The following SLC9A6 variants were observed in gnomAD, a reference collection of about 807,000 sequenced individuals.
The protein encoded by SLC9A6 is solute carrier family 9 member A6, also known as sodium/hydrogen exchanger 6.
In SLC9A6, 6 loss-of-function variants were observed where a neutral mutation model predicts 45.3. That is an observed-to-expected ratio of 0.13 (90% CI 0.07 to 0.26). The LOEUF is 0.26. Ranked by LOEUF, SLC9A6 falls within the 10% of genes least tolerant of loss-of-function variation. The pLI, the probability that SLC9A6 is intolerant of heterozygous loss-of-function variation, is 1.00. For missense variants in SLC9A6, 278 were observed against 503.7 expected (o/e 0.55, Z 4.29); for synonymous variants, 191 against 187.7 (o/e 1.02, Z -0.14).
At chrX:135,985,974 G>C in intron 2 of SLC9A6, 147 bp downstream of exon 2, 3 of 671,513 alleles carry the variant, frequency 4.5e-6, no homozygotes, top group Non-Finnish European at 6.9e-6. Flanking sequence ...CCCCTACCCC[G>C]CGTTTCTCTG....
chrX:135,995,573 C>A (rs1379639498), intron 3 of SLC9A6, among the ~76,000 whole-genome samples: 1 of 112,192 alleles, frequency 8.9e-6, no homozygotes, highest in Non-Finnish European at 1.9e-5. Context: ...AATCCCCCGC[C>A]TCGGCCTCCC....
chrX:136,024,541 T>C, intron 13 of SLC9A6, 58 bp downstream of exon 13: 1 of 1,054,809 alleles, frequency 9.5e-7, no homozygotes, highest in South Asian at 1.9e-5. Flanking sequence ...TTTATTTTTC[T>C]GCCTGTTTTC....
At chrX:135,992,131 T>C (rs1170058165) in intron 2 of SLC9A6, among the ~76,000 whole-genome samples, 2 of 111,924 alleles carry the variant, frequency 1.8e-5, no homozygotes, top group Non-Finnish European at 3.8e-5. Context: ...TTCATCTGTG[T>C]ATGTTCCTTA....
intron 6 of SLC9A6, among the ~76,000 whole-genome samples, chrX:136,001,363 A>G (rs993911222): frequency 1.3e-4 from 14 of 108,476 alleles, no homozygotes; most frequent in Admixed American, 3.0e-4. Context: ...AAAAAACCAA[A>G]AGGCTCACCT....
intron 3 of SLC9A6, among the ~76,000 whole-genome samples, chrX:135,995,194 CTT>C (rs1166027378): frequency 8.9e-6 from 1 of 112,306 alleles, no homozygotes; most frequent in Non-Finnish European, 1.9e-5. Flanking sequence ...TAGTATAACT[CTT>C]TTTGTTTCTC....
intron 2 of SLC9A6, 110 bp from the exon 3 acceptor site, chrX:135,994,676 G>T: frequency 1.4e-6 from 1 of 699,993 alleles, no homozygotes; most frequent in Non-Finnish European, 2.3e-6. Flanking sequence ...AATCAGTTCT[G>T]AGCTACAGGG....
At chrX:136,034,200 C>T (rs2071376436) in intron 16 of SLC9A6, among the ~76,000 whole-genome samples, 1 of 110,773 alleles carries the variant, frequency 9.0e-6, no homozygotes, top group South Asian at 3.8e-4. Flanking sequence ...GGCCAGTGAA[C>T]ATTACCACCT....
At chrX:136,025,923 A>C (rs782333758) in intron 13 of SLC9A6, among the ~76,000 whole-genome samples, 3 of 111,521 alleles carry the variant, frequency 2.7e-5, no homozygotes, top group African/African-American at 9.8e-5. Flanking sequence ...TCATTGTCCT[A>C]AGGATAACAA....
At chrX:136,035,947 A>G (rs2071406735) in intron 16 of SLC9A6, among the ~76,000 whole-genome samples, 1 of 102,430 alleles carries the variant, frequency 9.8e-6, no homozygotes, top group Non-Finnish European at 2.0e-5. Context: ...CTCAATGTAG[A>G]GACATGGTTT....
intron 7 of SLC9A6, chrX:136,010,232 C>G (rs375768120): frequency 5.2e-5 from 18 of 347,717 alleles, no homozygotes; most frequent in South Asian, 1.1e-4. Context: ...CTACCCCCCC[C>G]CCGAAATTAA....
At chrX:136,033,384 G>C in intron 15 of SLC9A6, 30 bp from the exon 16 acceptor site, 1 of 930,770 alleles carries the variant, frequency 1.1e-6, no homozygotes, top group Non-Finnish European at 1.5e-6. Context: ...TCTTTGTATA[G>C]ATATTGATTT....
intron 14 of SLC9A6, chrX:136,029,872 A>G: frequency 7.6e-6 from 3 of 397,210 alleles, no homozygotes; most frequent in Non-Finnish European, 1.3e-5. Context: ...GAGAAAAAAA[A>G]TGCTGTTTTT....
chrX:136,011,727 G>C (rs1212895639), intron 8 of SLC9A6, among the ~76,000 whole-genome samples: 1 of 111,645 alleles, frequency 9.0e-6, no homozygotes, highest in Non-Finnish European at 1.9e-5. Flanking sequence ...CACCTCTTTG[G>C]ATCTCAGTGT....
rs2071596038 is a variant in SLC9A6, at chrX:136,046,174, C to T, written c.*1450C>T. On this transcript the variant is annotated 3_prime_UTR_variant, in exon 18 of 18. Transcript: ENST00000630721. ...GAGTAGCATTGCCTTAAATCTTATC[C>T]AGTTAGAACATTGATTTATTTACAT... 1 of 111,858 alleles carries T rather than the reference C, an allele frequency of 8.9e-6. No individual in the cohort carries two copies. The highest frequency in any genetic ancestry group is 3.3e-5 in the African/African-American group (1 of 30,656). The allele number at this position is 111,858 out of a possible 1,213,427, so 9.2% of individuals were successfully genotyped here.
Position 136,044,760 on chromosome X carries a change from G to A in SLC9A6, c.*36G>A. The A allele has an allele frequency of 8.4e-7, 1 of 1,185,183 alleles. No individual in the cohort carries two copies. The highest frequency in any genetic ancestry group is 1.1e-6 in the Non-Finnish European group (1 of 871,373). On this transcript the variant is annotated 3_prime_UTR_variant, in exon 18 of 18. Transcript: ENST00000630721. ...ACTCACTTAGTGATTTGTAAAATTT[G>A]CACATGTGATTGTGAAGAAATTTGT... is the stretch of plus-strand genomic sequence containing the variant.
chrX:136,024,854 G>A (rs928391849), intron 13 of SLC9A6, among the ~76,000 whole-genome samples: 12 of 111,450 alleles, frequency 1.1e-4, no homozygotes, highest in Non-Finnish European at 1.9e-4. Context: ...TCAAAACCCT[G>A]TTGTTGGACT....
At position 136,045,713 on chromosome X, in the gene SLC9A6, A is replaced by G. The variant is rs1035959671; in HGVS notation, c.*989A>G. 1.8e-5 allele frequency: 2 copies of G among 112,642 alleles called. No homozygotes were observed. The highest frequency in any genetic ancestry group is 3.2e-5 in the African/African-American group (1 of 30,937). 9.3% of individuals were successfully genotyped at this position (112,642 alleles called of 1,213,427 possible). A position where few individuals can be genotyped will look rare whatever the true frequency, so the allele number is the denominator to read the frequency against. On this transcript the variant is annotated 3_prime_UTR_variant, in exon 18 of 18. Transcript: ENST00000630721. Reference sequence around the variant, plus strand: ...TCTTTAGCAGCCAAACAGGAGCAAAATGTAAAATTTTTGAACTTACTGTGT... The same window carrying G: ...TCTTTAGCAGCCAAACAGGAGCAAAGTGTAAAATTTTTGAACTTACTGTGT...
intron 2 of SLC9A6, among the ~76,000 whole-genome samples, chrX:135,988,455 CTTTT>C (rs1343444484): frequency 2.8e-5 from 3 of 106,632 alleles, no homozygotes; most frequent in African/African-American, 6.9e-5. Flanking sequence ...CTTTCTCTCT[CTTTT>C]CTTTCTTTCT....
rs186555477 is a variant in SLC9A6, at chrX:135,998,680, G to C, written c.524+122G>C. 6.5e-5 allele frequency: 42 copies of C among 647,276 alleles called. No individual in the cohort carries two copies. The East Asian group carries it at 1.3e-3, about 20-fold the overall frequency. The allele number at this position is 647,276 out of a possible 1,213,427, so 53.3% of individuals were successfully genotyped here. On this transcript the variant is annotated intron_variant, in intron 5 of 17. Coordinates refer to ENST00000630721, the MANE Select transcript of SLC9A6 (RefSeq NM_001379110.1). ...GTCTAAAGACTTTTGCAATATTCACGTAGGTAATAAGTTGTTTGAATTTTC... is the reference window on the plus strand; with the variant it reads ...GTCTAAAGACTTTTGCAATATTCACCTAGGTAATAAGTTGTTTGAATTTTC...
Sources: gnomAD v4.1 joint callset for allele counts (sites outside exome capture counted in the v4.1 genomes callset) on GRCh38, gnomAD v4.1.1 for gene constraint, MANE v1.5 for transcripts, NCBI Gene and HGNC (gene_info 2026-07-23, HGNC 2026-07-21) for gene names.